MICU2: variants seen among roughly 807,000 people sequenced by gnomAD.
MICU2 encodes mitochondrial calcium uptake 2, also known as calcium uptake protein 2, mitochondrial.
A neutral mutation model predicts 60.4 loss-of-function variants in MICU2; 64 were observed. The ratio of observed to expected loss-of-function variants is 1.06; its 90% CI spans 0.87 to 1.31. The LOEUF (loss-of-function observed/expected upper bound fraction) is 1.31, where lower values mean the gene tolerates loss of function less well. Among genes scored for constraint, MICU2 ranks in the 50% most tolerant of loss-of-function variants. MICU2 has a pLI of 0.00. For missense variants in MICU2, 569 were observed against 531.0 expected, an observed-to-expected ratio of 1.07 and a Z score of -0.70; for synonymous variants, 201 against 175.0, an observed-to-expected ratio of 1.15 and a Z score of -1.17.
rs575860261 is a variant in MICU2 at position 21,515,273 on chromosome 13, G to A, written c.598-855C>T. Among the ~76,000 whole-genome samples the A allele has an allele frequency of 3.3e-5, 5 of 151,952 alleles. No homozygotes were observed. In the East Asian group the frequency reaches 7.8e-4, roughly 24 times the overall value. ...ATTTTTTTGTATTTTTAGTAGAGATGGGGTTTCACCGTGTTAGCCAGGATG... is the reference window on the plus strand; with the variant it reads ...ATTTTTTTGTATTTTTAGTAGAGATAGGGTTTCACCGTGTTAGCCAGGATG... On this transcript the variant is annotated intron_variant, in intron 6 of 11. Transcript: ENST00000382374.
chr13:21,560,840 T>C (rs750393107), intron 2 of MICU2, among the ~76,000 whole-genome samples: 20 of 152,216 alleles, frequency 1.3e-4, no homozygotes, highest in Non-Finnish European at 2.5e-4. Flanking sequence ...GTTAGCTATA[T>C]AGCTTGTCCC....
chr13:21,545,791 C>T (rs190709618), intron 2 of MICU2, among the ~76,000 whole-genome samples: 5 of 152,144 alleles, frequency 3.3e-5, no homozygotes, highest in Admixed American at 2.0e-4. Flanking sequence ...ACAAAATTAC[C>T]GCAAGACTGG....
chr13:21,516,504 G>A (rs1886574493), intron 6 of MICU2, among the ~76,000 whole-genome samples: 1 of 152,170 alleles, frequency 6.6e-6, no homozygotes, highest in South Asian at 2.1e-4. Context: ...TTTGGCTACT[G>A]TGAATCAAAA....
intron 4 of MICU2, 55 bp downstream of exon 4, chr13:21,539,247 A>C (rs2138000110): frequency 7.0e-7 from 1 of 1,438,834 alleles, no homozygotes; most frequent in East Asian, 2.3e-5. Context: ...TTCCTTAATA[A>C]TACTTCAGTT....
At chr13:21,597,780 A>T (rs534464891) in intron 1 of MICU2, among the ~76,000 whole-genome samples, 1 of 152,018 alleles carries the variant, frequency 6.6e-6, no homozygotes, top group East Asian at 1.9e-4. Context: ...AAATACAAAA[A>T]ATTAGCCGGG....
intron 1 of MICU2, among the ~76,000 whole-genome samples, chr13:21,596,781 A>G (rs565079191): frequency 6.6e-6 from 1 of 152,318 alleles, no homozygotes; most frequent in Admixed American, 6.5e-5. Context: ...TATGTAAACC[A>G]AAGCCATTCT....
intron 2 of MICU2, chr13:21,551,323 C>T (rs1318271470): frequency 2.6e-5 from 4 of 152,390 alleles, no homozygotes; most frequent in Non-Finnish European, 4.4e-5. Flanking sequence ...GAATGCTTCA[C>T]GAATTTACGT....
At chr13:21,587,268 A>C (rs1888480109) in intron 1 of MICU2, among the ~76,000 whole-genome samples, 1 of 152,236 alleles carries the variant, frequency 6.6e-6, no homozygotes. Flanking sequence ...TAAACAGTGG[A>C]GAGGACAAAG....
Position 21,514,405 on chromosome 13 carries a change from A to T in MICU2, c.611T>A (p.Ile204Lys). 6.2e-7 allele frequency: 1 copy of T among 1,613,480 alleles called. No individual in the cohort carries two copies. The highest frequency in any genetic ancestry group is 1.1e-5 in the South Asian group (1 of 91,008). ...KREFFKLQKIISKQDDLMTVK... is the reference protein window; with the variant it reads ...KREFFKLQKIKSKQDDLMTVK... Reference sequence around the variant, plus strand: ...TGTCATCAAGTCATCTTGTTTACTTATGATCTTCTGCAGCTAAAAAGATTA... The same window carrying T: ...TGTCATCAAGTCATCTTGTTTACTTTTGATCTTCTGCAGCTAAAAAGATTA... The change falls in exon 7 of 12, where the codon ATA (isoleucine) becomes AAA (lysine). Residue 204 changes from isoleucine (I) to lysine (K), a missense_variant. Ile to Lys is a moderately radical substitution (Grantham distance 102). Coordinates refer to ENST00000382374, the MANE Select transcript of MICU2 (RefSeq NM_152726.3).
intron 1 of MICU2, among the ~76,000 whole-genome samples, chr13:21,577,529 TG>T (rs989124320): frequency 4.6e-5 from 7 of 151,958 alleles, no homozygotes; most frequent in Non-Finnish European, 7.4e-5. Flanking sequence ...CAGATGAGGC[TG>T]GGCGTGGTGG....
intron 9 of MICU2, among the ~76,000 whole-genome samples, chr13:21,499,402 T>C (rs1178264428): frequency 2.0e-5 from 3 of 152,042 alleles, no homozygotes; most frequent in Admixed American, 6.5e-5. Context: ...CCGTTCTCCA[T>C]GGGTCTCACA....
intron 4 of MICU2, among the ~76,000 whole-genome samples, chr13:21,523,099 T>G (rs1203186884): frequency 1.3e-5 from 2 of 152,206 alleles, no homozygotes; most frequent in Non-Finnish European, 2.9e-5. Context: ...TGGAACATCT[T>G]ATCTTCTACC....
chr13:21,560,858 A>C (rs992608298), intron 2 of MICU2, among the ~76,000 whole-genome samples: 3 of 152,212 alleles, frequency 2.0e-5, no homozygotes, highest in African/African-American at 7.2e-5. Context: ...CCCACCGACT[A>C]TATTATATTG....
chr13:21,600,699 G>A (rs1309272367), intron 1 of MICU2, among the ~76,000 whole-genome samples: 1 of 152,122 alleles, frequency 6.6e-6, no homozygotes, highest in Admixed American at 6.5e-5. Flanking sequence ...GTCACAATGG[G>A]AACTAGAAAA....
chr13:21,555,313 T>G (rs1887679272), intron 2 of MICU2, among the ~76,000 whole-genome samples: 1 of 152,124 alleles, frequency 6.6e-6, no homozygotes, highest in African/African-American at 2.4e-5. Context: ...ATCAAAAAGC[T>G]TATCCACCAT....
chr13:21,555,141 A>G (rs1413068161), intron 2 of MICU2, among the ~76,000 whole-genome samples: 1 of 152,240 alleles, frequency 6.6e-6, no homozygotes, highest in Non-Finnish European at 1.5e-5. Context: ...ATCAATAGAA[A>G]AAGAGGGAAT....
intron 9 of MICU2, among the ~76,000 whole-genome samples, chr13:21,497,492 T>C (rs1886031065): frequency 6.6e-6 from 1 of 152,172 alleles, no homozygotes. Context: ...CCGGACTGCC[T>C]GAGCTCAGGA....
At chr13:21,552,911 G>A (rs1356207116) in intron 2 of MICU2, among the ~76,000 whole-genome samples, 4 of 152,062 alleles carry the variant, frequency 2.6e-5, no homozygotes, top group South Asian at 4.2e-4. Context: ...TTCGCAATGC[G>A]GGCTCTTTTT....
intron 9 of MICU2, among the ~76,000 whole-genome samples, chr13:21,501,928 G>A (rs1241617984): frequency 1.3e-5 from 2 of 152,074 alleles, no homozygotes; most frequent in South Asian, 2.1e-4. Flanking sequence ...ATGGAACTGC[G>A]GCATGACTGA....
Sources: gnomAD v4.1 joint callset for allele counts (sites outside exome capture counted in the v4.1 genomes callset) on GRCh38, gnomAD v4.1.1 for gene constraint, MANE v1.5 for transcripts, NCBI Gene and HGNC (gene_info 2026-07-23, HGNC 2026-07-21) for gene names.